Variants in SPOCK1 observed in about 807,000 individuals in gnomAD.
SPOCK1 encodes testican-1.
SPOCK1 carries 23 observed loss-of-function variants against 55.3 expected under a neutral mutation model. That is an observed-to-expected ratio of 0.42 (90% CI 0.30 to 0.59). The LOEUF is 0.59. Ranked by LOEUF, SPOCK1 falls within the 20% of genes least tolerant of loss-of-function variation. SPOCK1 has a pLI of 0.22. For synonymous variants in SPOCK1, 226 were observed against 221.0 expected (o/e 1.02, Z -0.20); for missense variants, 499 against 552.5 (o/e 0.90, Z 0.97).
intron 9 of SPOCK1, among the ~76,000 whole-genome samples, chr5:136,982,237 C>T (rs980602882): frequency 9.9e-5 from 15 of 152,168 alleles, no homozygotes; most frequent in East Asian, 3.9e-4. Flanking sequence ...GATATTTCAG[C>T]GAGATGATTG....
chr5:137,203,386 T>C (rs960193150), intron 3 of SPOCK1, among the ~76,000 whole-genome samples: 1 of 152,096 alleles, frequency 6.6e-6, no homozygotes, highest in Non-Finnish European at 1.5e-5. Context: ...CCAGGTGTGA[T>C]GAGAACATTT....
At chr5:137,296,695 C>T (rs961341587) in intron 2 of SPOCK1, among the ~76,000 whole-genome samples, 1 of 152,192 alleles carries the variant, frequency 6.6e-6, no homozygotes, top group African/African-American at 2.4e-5. Flanking sequence ...TCTGGAAGGA[C>T]TGGTGGAGAT....
At chr5:137,273,220 G>C (rs1026583179) in intron 2 of SPOCK1, among the ~76,000 whole-genome samples, 3 of 152,106 alleles carry the variant, frequency 2.0e-5, no homozygotes, top group Non-Finnish European at 4.4e-5. Flanking sequence ...TGCATCCCTT[G>C]GATATACCAA....
At chr5:137,220,474 A>C (rs1755826060) in intron 3 of SPOCK1, among the ~76,000 whole-genome samples, 1 of 152,196 alleles carries the variant, frequency 6.6e-6, no homozygotes, top group Admixed American at 6.5e-5. Flanking sequence ...AGATTACTTA[A>C]TCCTCAAAGA....
chr5:137,106,179 T>A (rs901543609), intron 5 of SPOCK1, among the ~76,000 whole-genome samples: 3 of 150,914 alleles, frequency 2.0e-5, no homozygotes, highest in African/African-American at 7.4e-5. Flanking sequence ...CTCTGCTCCT[T>A]TCTGAGCTCC....
intron 2 of SPOCK1, among the ~76,000 whole-genome samples, chr5:137,312,918 T>C (rs918159492): frequency 2.6e-5 from 4 of 152,144 alleles, no homozygotes; most frequent in African/African-American, 9.7e-5. Context: ...TCTGTGTAGA[T>C]CTGAAGGATG....
chr5:137,192,616 G>A (rs949885914), intron 3 of SPOCK1, among the ~76,000 whole-genome samples: 1 of 152,196 alleles, frequency 6.6e-6, no homozygotes, highest in Non-Finnish European at 1.5e-5. Flanking sequence ...GCACTGAAGG[G>A]TTGTAAACAA....
At chr5:137,463,557 G>A (rs1753537831) in intron 2 of SPOCK1, among the ~76,000 whole-genome samples, 1 of 151,708 alleles carries the variant, frequency 6.6e-6, no homozygotes, top group African/African-American at 2.4e-5. Context: ...GAGGTGGGGT[G>A]GTTACTGGGT....
intron 3 of SPOCK1, among the ~76,000 whole-genome samples, chr5:137,244,776 G>A (rs1240155559): frequency 6.6e-6 from 1 of 152,026 alleles, no homozygotes; most frequent in Admixed American, 6.6e-5. Flanking sequence ...GCACCTGCTG[G>A]TACCTGGGTG....
intron 3 of SPOCK1, among the ~76,000 whole-genome samples, chr5:137,253,893 C>T (rs1198735657): frequency 1.3e-5 from 2 of 152,244 alleles, no homozygotes; most frequent in African/African-American, 4.8e-5. Context: ...TATGTTGAGG[C>T]TGCCCCCAGT....
At chr5:137,104,340 C>A (rs948214654) in intron 5 of SPOCK1, among the ~76,000 whole-genome samples, 4 of 152,252 alleles carry the variant, frequency 2.6e-5, no homozygotes, top group African/African-American at 7.2e-5. Flanking sequence ...TGAGGCCTCC[C>A]CAGAAGCAGA....
chr5:137,209,369 C>T (rs746530022), intron 3 of SPOCK1, among the ~76,000 whole-genome samples: 4 of 152,192 alleles, frequency 2.6e-5, no homozygotes, highest in Non-Finnish European at 5.9e-5. Flanking sequence ...GACCTGCATG[C>T]TATAAATGAA....
intron 2 of SPOCK1, among the ~76,000 whole-genome samples, chr5:137,347,317 C>G (rs1750579869): frequency 6.6e-6 from 1 of 152,224 alleles, no homozygotes; most frequent in African/African-American, 2.4e-5. Flanking sequence ...TGTAATTCCT[C>G]TAACAGGGTG....
intron 7 of SPOCK1, 74 bp downstream of exon 7, chr5:136,992,410 C>T: frequency 8.7e-7 from 1 of 1,143,206 alleles, no homozygotes; most frequent in African/African-American, 1.6e-5. Context: ...GTGTTTTTCA[C>T]CCCCAAATGA....
chr5:137,175,176 G>T (rs1361909061), intron 3 of SPOCK1, among the ~76,000 whole-genome samples: 2 of 152,174 alleles, frequency 1.3e-5, no homozygotes, highest in African/African-American at 2.4e-5. Context: ...CCTGCACCAG[G>T]CATGAAGCCT....
In SPOCK1 at chr5:137,112,579, G is replaced by T; in HGVS notation, c.348-18C>A. On this transcript the variant is annotated intron_variant, in intron 4 of 10. Coordinates refer to ENST00000394945, the MANE Select transcript of SPOCK1 (RefSeq NM_004598.4). Reference sequence around the variant, plus strand: ...TCTTTTGCCTAAAGATGAGAAAAAAGGGGATAAATTAGTTGAAGCTCCAGA... The same window carrying T: ...TCTTTTGCCTAAAGATGAGAAAAAATGGGATAAATTAGTTGAAGCTCCAGA... 6.2e-7 allele frequency: 1 copy of T among 1,610,362 alleles called. No individual in the cohort carries two copies. Among genetic ancestry groups the T allele is most frequent in the South Asian group, 1.1e-5 (1 of 90,398 alleles).
chr5:137,061,218 A>G (rs1458987054), intron 6 of SPOCK1, among the ~76,000 whole-genome samples: 4 of 152,214 alleles, frequency 2.6e-5, no homozygotes, highest in African/African-American at 4.8e-5. Flanking sequence ...CTATTTTTCT[A>G]GGAGCCTCTG....
chr5:136,981,436 A>G (rs1433363908), intron 9 of SPOCK1, among the ~76,000 whole-genome samples: 1 of 151,944 alleles, frequency 6.6e-6, no homozygotes, highest in Non-Finnish European at 1.5e-5. Flanking sequence ...AGTTAATTTT[A>G]TTTTGATCCT....
chr5:136,988,972 G>A, intron 7 of SPOCK1: 1 of 211,192 alleles, frequency 4.7e-6, no homozygotes, highest in East Asian at 1.0e-4. Flanking sequence ...GAAACATGGT[G>A]AGTGAGAGGT....
Sources: gnomAD v4.1 joint callset for allele counts (sites outside exome capture counted in the v4.1 genomes callset) on GRCh38, gnomAD v4.1.1 for gene constraint, MANE v1.5 for transcripts, NCBI Gene and HGNC (gene_info 2026-07-23, HGNC 2026-07-21) for gene names.